Variants in TEX264 observed in about 807,000 individuals in gnomAD.
TEX264 encodes the protein testis-expressed protein 264.
TEX264 carries 13 observed loss-of-function variants against 23.4 expected under a neutral mutation model. The ratio of observed to expected loss-of-function variants is 0.56; its 90% CI spans 0.36 to 0.88. TEX264 has a LOEUF of 0.88. Ranked by LOEUF, TEX264 falls within the 40% of genes least tolerant of loss-of-function variation. TEX264 has a pLI of 0.01. For synonymous variants in TEX264, 159 were observed against 170.0 expected, an observed-to-expected ratio of 0.94 and a Z score of 0.50; for missense variants, 340 against 406.8, an observed-to-expected ratio of 0.84 and a Z score of 1.41.
Position 51,674,366 on chromosome 3 carries a change from T to G in TEX264, c.62T>G (p.Leu21Arg). 1 of 1,614,242 alleles carries G rather than the reference T, an allele frequency of 6.2e-7. No individual in the cohort carries two copies. Among genetic ancestry groups the G allele is most frequent in the Non-Finnish European group, 8.5e-7 (1 of 1,180,038 alleles). ...CTGACTCTCTTACTGCTGCTGACGC[T>G]GCTGGCCTTTGCCGGGTACTCAGGG... ...GGLTLLLLLT[L>R]LAFAGYSGLL... The change falls in exon 2 of 5, where the codon CTG becomes CGG. Residue 21 changes from leucine (L) to arginine (R), a missense_variant. Leu to Arg is a moderately radical substitution (Grantham distance 102). Transcript: ENST00000341333.
chr3:51,674,280 G>C lies in TEX264; in HGVS notation c.-25G>C. ...TCTTTCTCCTTTGCAGCTGCCTTGA[G>C]GTGCAGTGTTGGGGATCCAGAGCCA... On this transcript the variant is annotated 5_prime_UTR_variant, in exon 2 of 5. Coordinates refer to ENST00000341333, the MANE Select transcript of TEX264 (RefSeq NM_015926.6). The C allele has an allele frequency of 6.2e-7, 1 of 1,613,336 alleles. No homozygotes were observed. The highest frequency in any genetic ancestry group is 8.5e-7 in the Non-Finnish European group (1 of 1,179,300).
intron 2 of TEX264, 35 bp from the exon 3 acceptor site, chr3:51,684,378 T>G: frequency 1.2e-6 from 2 of 1,602,626 alleles, no homozygotes; most frequent in Non-Finnish European, 1.7e-6. Flanking sequence ...CTCCTTCCTT[T>G]GGCCAACTCT....
intron 3 of TEX264, among the ~76,000 whole-genome samples, chr3:51,697,512 G>T (rs1703109679): frequency 6.6e-6 from 1 of 152,216 alleles, no homozygotes. Flanking sequence ...TGGGTCCTTT[G>T]TCCAGAGTGT....
intron 4 of TEX264, among the ~76,000 whole-genome samples, chr3:51,701,055 G>A (rs1428721758): frequency 6.6e-6 from 1 of 152,214 alleles, no homozygotes; most frequent in Non-Finnish European, 1.5e-5. Context: ...GCTGCCTTGT[G>A]CCTGTTATTA....
At chr3:51,695,489 T>C (rs1703019284) in intron 3 of TEX264, among the ~76,000 whole-genome samples, 1 of 152,224 alleles carries the variant, frequency 6.6e-6, no homozygotes, top group South Asian at 2.1e-4. Context: ...CAGGGTGATG[T>C]CCTGAATACA....
intron 4 of TEX264, 135 bp downstream of exon 4, chr3:51,699,709 A>G: frequency 9.9e-7 from 1 of 1,009,362 alleles, no homozygotes; most frequent in Non-Finnish European, 1.5e-6. Flanking sequence ...AGAGGGAGGA[A>G]GGAGACCCAC....
At chr3:51,680,042 A>G (rs745328884) in intron 2 of TEX264, among the ~76,000 whole-genome samples, 10 of 152,156 alleles carry the variant, frequency 6.6e-5, no homozygotes, top group Admixed American at 6.5e-4. Flanking sequence ...CCTTGGGAGT[A>G]CAAGTGCAAA....
intron 3 of TEX264, among the ~76,000 whole-genome samples, chr3:51,695,339 T>G (rs779588091): frequency 6.6e-6 from 1 of 152,236 alleles, no homozygotes; most frequent in African/African-American, 2.4e-5. Context: ...CTCCTTCTTT[T>G]GGGCATTTGC....
At chr3:51,701,115 T>C (rs1241161334) in intron 4 of TEX264, among the ~76,000 whole-genome samples, 1 of 152,146 alleles carries the variant, frequency 6.6e-6, no homozygotes. Context: ...TTGATCGTCT[T>C]GCACTGGCTG....
chr3:51,676,857 A>G (rs1702249301), intron 2 of TEX264, among the ~76,000 whole-genome samples: 1 of 152,228 alleles, frequency 6.6e-6, no homozygotes, highest in Admixed American at 6.5e-5. Context: ...TGGGTGGCAC[A>G]GAGGATGATG....
chr3:51,684,317 T>G (rs1577505599), intron 2 of TEX264, 96 bp from the exon 3 acceptor site: 1 of 1,131,666 alleles, frequency 8.8e-7, no homozygotes, highest in Non-Finnish European at 1.3e-6. Context: ...GAGCTGCTGG[T>G]TCTTTTAGGC....
intron 3 of TEX264, among the ~76,000 whole-genome samples, chr3:51,698,319 A>G (rs1174818025): frequency 6.6e-6 from 1 of 152,198 alleles, no homozygotes; most frequent in Non-Finnish European, 1.5e-5. Context: ...CATTACTGCT[A>G]AGTGGAAGGC....
intron 4 of TEX264, among the ~76,000 whole-genome samples, chr3:51,702,699 T>G (rs1165620037): frequency 6.6e-6 from 1 of 152,232 alleles, no homozygotes; most frequent in Non-Finnish European, 1.5e-5. Context: ...GCAGATCCAC[T>G]TTCTCCCAGT....
chr3:51,687,321 A>T (rs1025319976), intron 3 of TEX264, among the ~76,000 whole-genome samples: 1 of 152,068 alleles, frequency 6.6e-6, no homozygotes, highest in African/African-American at 2.4e-5. Context: ...AAGCCAGGGG[A>T]GAGATGAGGA....
rs575224229 is a variant in TEX264 at position 51,686,836 on chromosome 3, C to T, written c.480+2202C>T. ...CCTCATGGGCCCATCTGGAGGGGCA[C>T]CCCTGGGAAAGAGACTTCTTGGGTT... On this transcript the variant is annotated intron_variant, in intron 3 of 4. Coordinates refer to ENST00000341333, the MANE Select transcript of TEX264 (RefSeq NM_015926.6). This position sits in a 1 kb window ranked among gnomAD's most constrained non-coding sequence, Gnocchi z 4.1. Among the ~76,000 whole-genome samples the T allele has an allele frequency of 3.3e-5, 5 of 152,282 alleles. No homozygotes were observed. In the South Asian group the frequency reaches 1.0e-3, roughly 32 times the overall value.
intron 3 of TEX264, among the ~76,000 whole-genome samples, chr3:51,692,154 T>G (rs960900864): frequency 2.6e-5 from 4 of 152,230 alleles, no homozygotes; most frequent in African/African-American, 9.6e-5. Context: ...CCCTGGGGGC[T>G]GAAGCTTGTC....
intron 1 of TEX264, among the ~76,000 whole-genome samples, chr3:51,672,777 C>G (rs1271490398): frequency 1.3e-5 from 2 of 152,194 alleles, no homozygotes; most frequent in South Asian, 4.1e-4. Flanking sequence ...TTTAGCCTTA[C>G]CTACCTCTTT....
At chr3:51,681,171 C>T (rs1214421964) in intron 2 of TEX264, among the ~76,000 whole-genome samples, 1 of 152,212 alleles carries the variant, frequency 6.6e-6, no homozygotes, top group Non-Finnish European at 1.5e-5. Context: ...GCCCCACACA[C>T]CTCCTGGATC....
At position 51,686,672 on chromosome 3, in the gene TEX264, G is replaced by A. The variant is rs552754593; in HGVS notation, c.480+2038G>A. Among the ~76,000 whole-genome samples the A allele has an allele frequency of 1.3e-5, 2 of 152,166 alleles. No homozygotes were observed. The highest frequency in any genetic ancestry group is 3.9e-4 in the East Asian group (2 of 5,162). On this transcript the variant is annotated intron_variant, in intron 3 of 4. Transcript: ENST00000341333. This position sits in a 1 kb window ranked among gnomAD's most constrained non-coding sequence, Gnocchi z 4.1. ...CTTGCCTGGCTGCGGTTGGACTGGA[G>A]GTGGGGGCGGGCTGGCTGGTGGTGT...
Sources: allele counts gnomAD v4.1 joint callset (sites outside exome capture counted in the v4.1 genomes callset), GRCh38; gene constraint gnomAD v4.1.1; non-coding constraint Gnocchi (gnomAD v3.1); transcripts MANE v1.5; gene names NCBI Gene and HGNC (gene_info 2026-07-23, HGNC 2026-07-21).